The following RADX variants were observed in gnomAD, a reference collection of about 807,000 sequenced individuals.
RADX encodes the protein RPA-related protein RADX.
RADX carries 36 observed loss-of-function variants against 61.6 expected under a neutral mutation model. That is an observed-to-expected ratio of 0.58 (90% CI 0.45 to 0.77). The LOEUF (loss-of-function observed/expected upper bound fraction) is 0.77. Among genes scored for constraint, RADX ranks in the 30% least tolerant of loss-of-function variants. The pLI, the probability that RADX is intolerant of heterozygous loss-of-function variation, is 0.00. For synonymous variants in RADX, 272 were observed against 237.9 expected (o/e 1.14, Z -1.32); for missense variants, 497 against 651.1 (o/e 0.76, Z 2.58).
chrX:106,670,836 G>A (rs1001737523), intron 13 of RADX, among the ~76,000 whole-genome samples: 5 of 110,242 alleles, frequency 4.5e-5, no homozygotes, highest in Admixed American at 9.7e-5. Flanking sequence ...AACCTGATCC[G>A]ATTCCAAACT....
At chrX:106,659,782 C>T in intron 11 of RADX, among the ~76,000 whole-genome samples, 1 of 110,035 alleles carries the variant, frequency 9.1e-6, no homozygotes. Flanking sequence ...AATTGTAGTC[C>T]CCAGTTACTA....
chrX:106,638,140 A>G, intron 8 of RADX: 1 of 311,290 alleles, frequency 3.2e-6, no homozygotes, highest in Non-Finnish European at 5.6e-6. Context: ...TGCTCTAAAG[A>G]TTAATACTTT....
At chrX:106,663,733 C>T (rs1603059458) in intron 12 of RADX, among the ~76,000 whole-genome samples, 1 of 110,926 alleles carries the variant, frequency 9.0e-6, no homozygotes, top group East Asian at 2.8e-4. Flanking sequence ...TCTCATGTAC[C>T]CCATAAATAT....
intron 12 of RADX, among the ~76,000 whole-genome samples, chrX:106,667,730 T>C (rs1928264913): frequency 8.9e-6 from 1 of 112,063 alleles, no homozygotes; most frequent in Admixed American, 9.5e-5. Context: ...ATAATATCAA[T>C]AACACACTAA....
rs759125070 is a variant in RADX at position 106,678,118 on chromosome X, T to A, written c.2438-10T>A. On this transcript the variant is annotated splice_polypyrimidine_tract_variant and intron_variant, in intron 13 of 13. Coordinates refer to ENST00000372548, the MANE Select transcript of RADX (RefSeq NM_018015.6). ...TTTTACAGTACTTACCATCTGCTTT[T>A]TACTTTTAGGTGATATTATAAAAGC... is the stretch of plus-strand genomic sequence containing the variant. 5 of 1,148,373 alleles carry A rather than the reference T, an allele frequency of 4.4e-6. No individual in the cohort carries two copies. Among genetic ancestry groups the A allele is most frequent in the East Asian group, 6.0e-5 (2 of 33,385 alleles). 94.6% of individuals were successfully genotyped at this position (1,148,373 alleles called of 1,213,427 possible).
chrX:106,670,571 CACAA>C (rs1287536276), intron 13 of RADX, among the ~76,000 whole-genome samples: 1 of 109,718 alleles, frequency 9.1e-6, no homozygotes, highest in Non-Finnish European at 1.9e-5. Context: ...AATTGGTAAT[CACAA>C]ACAAAGTGGT....
At chrX:106,623,693 ATT>A (rs1410574923) in intron 2 of RADX, among the ~76,000 whole-genome samples, 1 of 111,309 alleles carries the variant, frequency 9.0e-6, no homozygotes, top group Non-Finnish European at 1.9e-5. Flanking sequence ...TGTATTATAT[ATT>A]TCATGTGAGT....
chrX:106,612,163 G>C lies in RADX; in HGVS notation c.83G>C (p.Gly28Ala). 8.3e-7 allele frequency: 1 copy of C among 1,211,881 alleles called. No homozygotes were observed. The highest frequency in any genetic ancestry group is 2.2e-5 in the Admixed American group (1 of 46,103). Reference protein sequence around the residue: ...DWPNPERNRAGVPGGVIRRAG... With the variant: ...DWPNPERNRAAVPGGVIRRAG... Reference sequence around the variant, plus strand: ...CCGAACCCTGAGAGGAATCGGGCTGGGGTCCCGGGAGGGGTGATCCGAAGA... The same window carrying C: ...CCGAACCCTGAGAGGAATCGGGCTGCGGTCCCGGGAGGGGTGATCCGAAGA... Residue 28 changes from glycine (G) to alanine (A), a missense_variant, in exon 1 of 14, where the codon GGG (glycine) becomes GCG (alanine). By Grantham distance (60) the Gly-to-Ala change is moderately conservative (BLOSUM62 0). This residue lies in a region of RADX where 34 missense variants were observed against 29.1 expected (regional missense o/e 1.17). Coordinates refer to ENST00000372548, the MANE Select transcript of RADX (RefSeq NM_018015.6).
intron 12 of RADX, 68 bp from the exon 13 acceptor site, chrX:106,669,095 C>A: frequency 1.1e-6 from 1 of 885,483 alleles, no homozygotes; most frequent in Non-Finnish European, 1.6e-6. Flanking sequence ...ATCAAACCAG[C>A]AAACTCGGCA....
intron 11 of RADX, 88 bp from the exon 12 acceptor site, chrX:106,661,927 C>T: frequency 2.5e-6 from 2 of 795,442 alleles, no homozygotes; most frequent in Non-Finnish European, 3.6e-6. Flanking sequence ...AACTCTTCCT[C>T]ATTAATGTGT....
chrX:106,663,517 T>C (rs1280886265), intron 12 of RADX, among the ~76,000 whole-genome samples: 1 of 111,841 alleles, frequency 8.9e-6, no homozygotes, highest in African/African-American at 3.2e-5. Context: ...GGATAATAGA[T>C]ACAAAAATTT....
intron 13 of RADX, among the ~76,000 whole-genome samples, chrX:106,669,863 A>T (rs764148201): frequency 2.5e-4 from 28 of 112,030 alleles, no homozygotes; most frequent in African/African-American, 7.4e-4. Flanking sequence ...CTGAACTCTA[A>T]ATTGTCTCTA....
chrX:106,651,702 G>T (rs1927797334), intron 11 of RADX, among the ~76,000 whole-genome samples: 1 of 111,071 alleles, frequency 9.0e-6, no homozygotes. Context: ...GGAAAATAGA[G>T]ATTTATATAC....
chrX:106,660,701 C>T (rs1200784359), intron 11 of RADX, among the ~76,000 whole-genome samples: 1 of 111,871 alleles, frequency 8.9e-6, no homozygotes, highest in Non-Finnish European at 1.9e-5. Flanking sequence ...TACCATGGTA[C>T]ATTATTTAAT....
chrX:106,669,358 T>C (rs1459833546), intron 13 of RADX, 28 bp downstream of exon 13: 1 of 1,048,675 alleles, frequency 9.5e-7, no homozygotes, highest in South Asian at 2.3e-5. Flanking sequence ...TTCTTTTCAC[T>C]CAGAAAAAAA....
intron 3 of RADX, among the ~76,000 whole-genome samples, chrX:106,629,480 A>G (rs912658360): frequency 3.6e-5 from 4 of 111,925 alleles, no homozygotes; most frequent in African/African-American, 1.3e-4. Flanking sequence ...TCTTAGAAAA[A>G]TGTAACTAAC....
intron 13 of RADX, among the ~76,000 whole-genome samples, chrX:106,670,182 ATTTTTTT>A (rs60551685): frequency 9.3e-6 from 1 of 107,530 alleles, no homozygotes; most frequent in East Asian, 2.9e-4. Context: ...ATAAGAGATG[ATTTTTTT>A]TTTATTTTTC....
intron 11 of RADX, among the ~76,000 whole-genome samples, chrX:106,654,738 C>T (rs1235765900): frequency 1.8e-5 from 2 of 111,496 alleles, no homozygotes; most frequent in African/African-American, 6.5e-5. Context: ...GCAACAAAAG[C>T]CAAAATTGAC....
chrX:106,643,878 A>G (rs1454400116), intron 10 of RADX, among the ~76,000 whole-genome samples: 1 of 111,403 alleles, frequency 9.0e-6, no homozygotes, highest in Non-Finnish European at 1.9e-5. Flanking sequence ...CAGTATAGAC[A>G]TTGTAATAAA....
Sources: gnomAD v4.1 joint callset for allele counts (sites outside exome capture counted in the v4.1 genomes callset) on GRCh38, gnomAD v4.1.1 for gene constraint, gnomAD v4.1.1 regional missense constraint, MANE v1.5 for transcripts, NCBI Gene and HGNC (gene_info 2026-07-23, HGNC 2026-07-21) for gene names.